Variants in FAM149B1 observed in about 807,000 individuals in gnomAD.
FAM149B1 encodes the protein primary cilium assembly protein FAM149B1.
A neutral mutation model predicts 75.3 loss-of-function variants in FAM149B1; 56 were observed. That is an observed-to-expected ratio of 0.74 (90% confidence interval 0.60 to 0.93). The LOEUF (loss-of-function observed/expected upper bound fraction) is 0.93, where lower values mean the gene tolerates loss of function less well. Ranked by LOEUF, FAM149B1 falls within the 40% of genes least tolerant of loss-of-function variation. FAM149B1 has a pLI of 0.00. For missense variants in FAM149B1, 639 were observed against 708.4 expected (o/e 0.90, Z 1.11); for synonymous variants, 259 against 256.1 (o/e 1.01, Z -0.11).
intron 7 of FAM149B1, among the ~76,000 whole-genome samples, chr10:73,220,314 G>T (rs12249654): frequency 0.1 from 15,900 of 151,998 alleles, 1,198 homozygotes; most frequent in East Asian, 0.31. Context: ...CCTCATACAT[G>T]GCAGTGGAAA....
At chr10:73,239,906 CAAA>C (rs1200680058) in intron 13 of FAM149B1, among the ~76,000 whole-genome samples, 2 of 152,114 alleles carry the variant, frequency 1.3e-5, no homozygotes, top group Admixed American at 6.5e-5. Context: ...GATGTACTAA[CAAA>C]GAAGTGATGG....
chr10:73,222,220 A>G (rs927975297), intron 7 of FAM149B1, among the ~76,000 whole-genome samples: 1 of 152,226 alleles, frequency 6.6e-6, no homozygotes, highest in African/African-American at 2.4e-5. Context: ...AGTTACTTGC[A>G]AACAGTTTGA....
chr10:73,235,405 A>T, intron 12 of FAM149B1, 87 bp downstream of exon 12: 1 of 1,526,830 alleles, frequency 6.5e-7, no homozygotes, highest in Non-Finnish European at 8.8e-7. Flanking sequence ...TTAAGATTTT[A>T]TCTAGAGGCT....
Position 73,168,144 on chromosome 10 carries a change from G to A in FAM149B1, c.-196G>A, listed in dbSNP as rs1843526791. ...ACTTCCGCCCCCGCGGCAAAGCAGG[G>A]AGGTCGGAGGACTGGAGAGGTGGGG... On this transcript the variant is annotated 5_prime_UTR_variant, in exon 1 of 14. Transcript: ENST00000242505. The A allele has an allele frequency of 5.1e-6, 3 of 586,444 alleles. No homozygotes were observed. The South Asian group carries it at 6.6e-5, about 13-fold the overall frequency. 36.3% of individuals were successfully genotyped at this position (586,444 alleles called of 1,614,324 possible). A position where few individuals can be genotyped will look rare whatever the true frequency, so the allele number is the denominator to read the frequency against.
At chr10:73,203,044 G>T (rs546773688) in intron 5 of FAM149B1, among the ~76,000 whole-genome samples, 2 of 152,070 alleles carry the variant, frequency 1.3e-5, no homozygotes, top group Admixed American at 1.3e-4. Flanking sequence ...GTAGAGTGGC[G>T]GCATGGTGTT....
chr10:73,220,214 G>A (rs2043379550), intron 7 of FAM149B1, among the ~76,000 whole-genome samples: 1 of 151,784 alleles, frequency 6.6e-6, no homozygotes, highest in Non-Finnish European at 1.5e-5. Flanking sequence ...ATGCCCACTA[G>A]GATGGCTATG....
Position 73,235,282 on chromosome 10 carries a change from C to A in FAM149B1, c.1566C>A (p.Asp522Glu). ...QQPQERLLLP[D>E]FFPRPNTTQS... ...CACAAGAAAGGCTCCTTTTGCCCGA[C>A]TTTTTCCCCAGGCCCAACACAACTC... The change falls in exon 12 of 14, where the codon GAC becomes GAA. Residue 522 changes from aspartate to glutamate, a missense_variant. By Grantham distance (45) the Asp-to-Glu change is conservative. Transcript: ENST00000242505. 6.4e-7 allele frequency: 1 copy of A among 1,552,080 alleles called. No homozygotes were observed. The highest frequency in any genetic ancestry group is 8.7e-7 in the Non-Finnish European group (1 of 1,147,016).
At chr10:73,203,955 T>C (rs1489863147) in intron 5 of FAM149B1, among the ~76,000 whole-genome samples, 7 of 152,110 alleles carry the variant, frequency 4.6e-5, no homozygotes, top group South Asian at 2.1e-4. Flanking sequence ...ATAATTCTTA[T>C]AGCTAAATCT....
chr10:73,218,613 CTG>C (rs1489348563), intron 7 of FAM149B1, among the ~76,000 whole-genome samples: 1 of 152,118 alleles, frequency 6.6e-6, no homozygotes, highest in African/African-American at 2.4e-5. Context: ...CATAAAGACT[CTG>C]TGGTTTGGTT....
chr10:73,183,165 G>A (rs145666868), intron 3 of FAM149B1, among the ~76,000 whole-genome samples: 2 of 152,300 alleles, frequency 1.3e-5, no homozygotes, highest in South Asian at 4.1e-4. Flanking sequence ...TAATTAATGG[G>A]TGAATATAAA....
rs748134243 is a variant in FAM149B1 at position 73,193,511 on chromosome 10, G to C, written c.460G>C (p.Gly154Arg). 10 of 1,550,002 alleles carry C rather than the reference G, an allele frequency of 6.5e-6. No individual in the cohort carries two copies. The African/African-American group carries it at 9.6e-5, about 15-fold the overall frequency. Reference protein sequence around the residue: ...LGRQIITPSEGYRLYPRSPSA... With the variant: ...LGRQIITPSERYRLYPRSPSA... ...TAGGCAGATAATCACTCCAAGTGAA[G>C]GTTATAGATTGTATCCTAGATCCCC... is the stretch of plus-strand genomic sequence containing the variant. The change falls in exon 5 of 14, where the codon GGT becomes CGT. Residue 154 changes from glycine (G) to arginine (R), a missense_variant. By Grantham distance (125) the Gly-to-Arg change is moderately radical. Coordinates refer to ENST00000242505, the MANE Select transcript of FAM149B1 (RefSeq NM_173348.2).
At position 73,221,336 on chromosome 10, in the gene FAM149B1, C is replaced by T. The variant is rs559064914; in HGVS notation, c.899-6724C>T. ...GCCTGAAAAATGTCCATTAATATTT[C>T]TTGTATGTGGGTCTGCTAGTGATTA... is the stretch of plus-strand genomic sequence containing the variant. On this transcript the variant is annotated intron_variant, in intron 7 of 13. Transcript: ENST00000242505. Among the ~76,000 whole-genome samples the T allele has an allele frequency of 2.0e-5, 3 of 151,914 alleles. No individual in the cohort carries two copies. In the East Asian group the frequency reaches 5.8e-4, roughly 30 times the overall value.
Position 73,193,489 on chromosome 10 carries a change from G to C in FAM149B1, c.438G>C (p.Arg146Ser). 6.5e-7 allele frequency: 1 copy of C among 1,548,758 alleles called. No individual in the cohort carries two copies. ...ASFPHLRILG[R>S]QIITPSEGYR... ...CTTCATTTTGAAGGATTCTAGGTAG[G>C]CAGATAATCACTCCAAGTGAAGGTT... Residue 146 changes from arginine (R) to serine (S), a missense_variant, in exon 5 of 14, where the codon AGG (arginine) becomes AGC (serine). Arg to Ser is a moderately radical substitution (Grantham distance 110). Coordinates refer to ENST00000242505, the MANE Select transcript of FAM149B1 (RefSeq NM_173348.2).
At chr10:73,239,857 A>G (rs569692851) in intron 13 of FAM149B1, among the ~76,000 whole-genome samples, 2 of 152,370 alleles carry the variant, frequency 1.3e-5, no homozygotes, top group East Asian at 3.9e-4. Context: ...GTCTGATTCT[A>G]TCGCATTAAC....
intron 5 of FAM149B1, among the ~76,000 whole-genome samples, chr10:73,194,389 T>A (rs2133338926): frequency 6.6e-6 from 1 of 152,256 alleles, no homozygotes; most frequent in Non-Finnish European, 1.5e-5. Context: ...AGTGATTTAT[T>A]TTTTATTTAT....
chr10:73,195,985 G>A (rs1035805040), intron 5 of FAM149B1, among the ~76,000 whole-genome samples: 3 of 151,810 alleles, frequency 2.0e-5, no homozygotes, highest in South Asian at 4.2e-4. Flanking sequence ...ATTTTCACTC[G>A]AGTACCATTA....
At chr10:73,184,039 A>G (rs1401766074) in intron 3 of FAM149B1, among the ~76,000 whole-genome samples, 1 of 152,204 alleles carries the variant, frequency 6.6e-6, no homozygotes, top group Non-Finnish European at 1.5e-5. Context: ...AGACGGTCAC[A>G]GGAGGCCTTG....
At chr10:73,198,317 A>G (rs1175226890) in intron 5 of FAM149B1, among the ~76,000 whole-genome samples, 1 of 152,236 alleles carries the variant, frequency 6.6e-6, no homozygotes, top group Non-Finnish European at 1.5e-5. Context: ...TGGATATAAC[A>G]CTAAAAGCAC....
At chr10:73,200,582 G>T in intron 5 of FAM149B1, 1 of 735,446 alleles carries the variant, frequency 1.4e-6, no homozygotes, top group Non-Finnish European at 2.2e-6. Context: ...GTTCAGCCAA[G>T]GGTTTAAGGA....
Sources: gnomAD v4.1 joint callset for allele counts (sites outside exome capture counted in the v4.1 genomes callset) on GRCh38, gnomAD v4.1.1 for gene constraint, MANE v1.5 for transcripts, NCBI Gene and HGNC (gene_info 2026-07-23, HGNC 2026-07-21) for gene names.